The following MEAF6 variants were observed in gnomAD, a reference collection of about 807,000 sequenced individuals.
MEAF6 encodes MYST/Esa1 associated factor 6, also known as chromatin modification-related protein MEAF6.
In MEAF6, 15 loss-of-function variants were observed where a neutral mutation model predicts 28.9. That is an observed-to-expected ratio of 0.52 (90% CI 0.35 to 0.80). MEAF6 has a LOEUF of 0.80. MEAF6 is among the 30% of genes least tolerant of loss of function. The probability of loss-of-function intolerance (pLI) is 0.01; values close to 1 mark genes in which losing one functional copy is unlikely to be tolerated. For missense variants in MEAF6, 178 were observed against 237.5 expected, an observed-to-expected ratio of 0.75 and a Z score of 1.65; for synonymous variants, 97 against 88.7, an observed-to-expected ratio of 1.09 and a Z score of -0.53.
intron 1 of MEAF6, chr1:37,513,860 T>G (rs1642746307): frequency 4.8e-6 from 2 of 414,616 alleles, no homozygotes; most frequent in Admixed American, 7.8e-5. Context: ...CGATGTCCAC[T>G]CCCACGCACA....
chr1:37,490,943 C>G lies in MEAF6; in HGVS notation c.*3156G>C, dbSNP rs577303611. On this transcript the variant is annotated 3_prime_UTR_variant, in exon 7 of 7. Coordinates refer to ENST00000296214, the MANE Select transcript of MEAF6 (RefSeq NM_001270875.3). ...TCGAGAGGCTGAGGCGGAATAATTG[C>G]TTGAACCCTGGAGGCGGAGGTAGCA... 6.6e-6 allele frequency among the ~76,000 whole-genome samples: 1 copy of G among 152,268 alleles called. No homozygotes were observed. Among genetic ancestry groups the G allele is most frequent in the Non-Finnish European group, 1.5e-5 (1 of 68,034 alleles).
intron 2 of MEAF6, 97 bp from the exon 3 acceptor site, chr1:37,509,639 T>C: frequency 5.6e-6 from 6 of 1,076,348 alleles, no homozygotes; most frequent in Middle Eastern, 4.2e-4. Context: ...GAAGCTTCCA[T>C]GTCACTCAGA....
At chr1:37,512,031 T>C (rs1642686758) in intron 2 of MEAF6, among the ~76,000 whole-genome samples, 1 of 152,136 alleles carries the variant, frequency 6.6e-6, no homozygotes, top group South Asian at 2.1e-4. Flanking sequence ...CACATTTAGG[T>C]GCAAAGTGTC....
chr1:37,501,246 T>C (rs1642292491), intron 5 of MEAF6, among the ~76,000 whole-genome samples: 1 of 152,242 alleles, frequency 6.6e-6, no homozygotes, highest in African/African-American at 2.4e-5. Flanking sequence ...TCTCATATTT[T>C]ACAGGCTTTA....
chr1:37,504,214 T>C (rs970416813), intron 4 of MEAF6, among the ~76,000 whole-genome samples: 2 of 152,198 alleles, frequency 1.3e-5, no homozygotes, highest in African/African-American at 4.8e-5. Flanking sequence ...TTGCTTCCCC[T>C]TCACCTTCCT....
chr1:37,504,594 G>C (rs182698757), intron 4 of MEAF6, among the ~76,000 whole-genome samples: 1 of 151,310 alleles, frequency 6.6e-6, no homozygotes, highest in Admixed American at 6.6e-5. Context: ...AACATGGTAA[G>C]ACCCCACCTC....
At chr1:37,495,707 A>AAAAAAAAAAAAAAAAAAAAACAAC (rs1642107037) in intron 6 of MEAF6, among the ~76,000 whole-genome samples, 178 bp downstream of exon 6, 7 of 98,508 alleles carry the variant, frequency 7.1e-5, no homozygotes, top group South Asian at 2.6e-4. Flanking sequence ...CAAAAAACAA[A>AAAAAAAAAAAAAAAAAAAAACAAC]AAAAAAAAAA....
chr1:37,495,713 A>AC (rs1432335556), intron 6 of MEAF6, among the ~76,000 whole-genome samples, 172 bp downstream of exon 6: 5 of 133,984 alleles, frequency 3.7e-5, no homozygotes, highest in African/African-American at 1.3e-4. Context: ...ACAAAAAAAA[A>AC]AAAAAACAAA....
At chr1:37,494,515 CAAAAAAAAAAAA>C (rs35851858) in intron 6 of MEAF6, among the ~76,000 whole-genome samples, 32 of 82,256 alleles carry the variant, frequency 3.9e-4, no homozygotes, top group African/African-American at 1.7e-3. Context: ...AACTCTGTTT[CAAAAAAAAAAAA>C]AAAAAAAAAG....
chr1:37,514,059 C>T (rs1642754117), intron 1 of MEAF6: 1 of 174,928 alleles, frequency 5.7e-6, no homozygotes, highest in Admixed American at 5.6e-5. Context: ...AAGAGCTTAG[C>T]CACCAGAGTG....
chr1:37,503,084 C>T (rs1211767350), intron 4 of MEAF6, among the ~76,000 whole-genome samples: 3 of 151,310 alleles, frequency 2.0e-5, no homozygotes, highest in Admixed American at 6.6e-5. Flanking sequence ...CTGGAACTAC[C>T]GGCACATGCC....
chr1:37,491,635 G>A lies in MEAF6; in HGVS notation c.*2464C>T, dbSNP rs1343529872. ...GATGGCTTGACCCCAGAAGTTCGAG[G>A]CTGCACTGAGCTTTGATCAGGCCGC... On this transcript the variant is annotated 3_prime_UTR_variant, in exon 7 of 7. Transcript: ENST00000296214. 6.6e-6 allele frequency among the ~76,000 whole-genome samples: 1 copy of A among 152,056 alleles called. No homozygotes were observed. Among genetic ancestry groups the A allele is most frequent in the Admixed American group, 6.5e-5 (1 of 15,270 alleles).
chr1:37,510,477 G>C (rs551640587), intron 2 of MEAF6, among the ~76,000 whole-genome samples: 1 of 145,834 alleles, frequency 6.9e-6, no homozygotes, highest in Non-Finnish European at 1.5e-5. Flanking sequence ...CACCTTCTGC[G>C]TTCAAGTGAT....
At chr1:37,496,443 A>G in intron 5 of MEAF6, 1 of 498,872 alleles carries the variant, frequency 2.0e-6, no homozygotes, top group Non-Finnish European at 3.2e-6. Context: ...CAGAAAATCA[A>G]TTTAAATATG....
chr1:37,495,569 G>C (rs937938632), intron 6 of MEAF6, among the ~76,000 whole-genome samples: 1 of 150,448 alleles, frequency 6.6e-6, no homozygotes, highest in Admixed American at 6.7e-5. Context: ...AAGGTGGCAT[G>C]TACCTGTATT....
At chr1:37,512,332 T>C (rs953034357) in intron 2 of MEAF6, among the ~76,000 whole-genome samples, 3 of 152,198 alleles carry the variant, frequency 2.0e-5, no homozygotes, top group Non-Finnish European at 2.9e-5. Context: ...CAACTCCCTA[T>C]GAATCTATAA....
chr1:37,505,270 G>GA (rs1205362146), intron 4 of MEAF6, among the ~76,000 whole-genome samples: 2 of 152,154 alleles, frequency 1.3e-5, no homozygotes, highest in Admixed American at 1.3e-4. Flanking sequence ...AGAAGTAAAG[G>GA]AAAGAGACAG....
chr1:37,495,684 C>CAAA (rs376230589), intron 6 of MEAF6, among the ~76,000 whole-genome samples: 24 of 70,382 alleles, frequency 3.4e-4, no homozygotes, highest in East Asian at 4.4e-4. Context: ...AACTGTCTCT[C>CAAA]AAAAAAAAAA....
chr1:37,511,341 T>C (rs534890068), intron 2 of MEAF6, among the ~76,000 whole-genome samples: 7 of 152,342 alleles, frequency 4.6e-5, no homozygotes, highest in African/African-American at 1.7e-4. Context: ...GAAGACTCTT[T>C]TTCAGAATGC....
Sources: gnomAD v4.1 joint callset for allele counts (sites outside exome capture counted in the v4.1 genomes callset) on GRCh38, gnomAD v4.1.1 for gene constraint, MANE v1.5 for transcripts, NCBI Gene and HGNC (gene_info 2026-07-23, HGNC 2026-07-21) for gene names.